Variants in IGSF3 observed in about 807,000 individuals in gnomAD.
The protein encoded by IGSF3 is immunoglobulin superfamily member 3.
A neutral mutation model predicts 114.4 loss-of-function variants in IGSF3; 23 were observed. The observed-to-expected ratio is 0.20, with a 90% confidence interval of 0.14 to 0.28. IGSF3 has a LOEUF of 0.28. Among genes scored for constraint, IGSF3 ranks in the 10% least tolerant of loss-of-function variants. The pLI is 1.00. For synonymous variants in IGSF3, 571 were observed against 645.2 expected (o/e 0.88, Z 1.74); for missense variants, 1,172 against 1,591.5 (o/e 0.74, Z 4.48).
intron 5 of IGSF3, 63 bp from the exon 6 acceptor site, chr1:116,604,088 G>A: frequency 7.4e-7 from 1 of 1,343,510 alleles, no homozygotes; most frequent in South Asian, 1.4e-5. Context: ...CCTCCCCACA[G>A]AGGAAACAGG....
At position 116,666,518 on chromosome 1, in the gene IGSF3, G is replaced by C; in HGVS notation, c.-192C>G. On this transcript the variant is annotated 5_prime_UTR_variant, in exon 2 of 11. Coordinates refer to ENST00000369486, the MANE Select transcript of IGSF3 (RefSeq NM_001007237.3). ...GGGGGAAGGGGAGGAGTGGAGGCAA[G>C]TGTGAAAACTCCCCTATGCTACAGG... is the stretch of plus-strand genomic sequence containing the variant. 3.2e-6 allele frequency: 2 copies of C among 627,340 alleles called. No homozygotes were observed. The highest frequency in any genetic ancestry group is 2.8e-6 in the Non-Finnish European group (1 of 353,146). The allele number at this position is 627,340 out of a possible 1,614,324, so 38.9% of individuals were successfully genotyped here. A position where few individuals can be genotyped will look rare whatever the true frequency, so the allele number is the denominator to read the frequency against.
At position 116,612,108 on chromosome 1, in the gene IGSF3, G is replaced by C. The variant is rs1441733305; in HGVS notation, c.832+1657C>G. On this transcript the variant is annotated intron_variant, in intron 4 of 10. Transcript: ENST00000369486. This position sits in a 1 kb window ranked among gnomAD's most constrained non-coding sequence, Gnocchi z 4.1. ...TTCAAAAAGTTCTAATTCCAAATTG[G>C]TAAGATTAAAATAAAGAAGATTAAC... Among the ~76,000 whole-genome samples the C allele has an allele frequency of 3.3e-5, 5 of 151,990 alleles. No homozygotes were observed. Among genetic ancestry groups the C allele is most frequent in the Admixed American group, 6.5e-5 (1 of 15,270 alleles).
intron 5 of IGSF3, among the ~76,000 whole-genome samples, chr1:116,604,878 C>G (rs917917843): frequency 6.6e-6 from 1 of 152,190 alleles, no homozygotes; most frequent in Admixed American, 6.5e-5. Context: ...TTCTGTAAGA[C>G]AGGTAGAGAG....
In IGSF3 at chr1:116,603,901, C is replaced by T. The variant is rs1660694924; in HGVS notation, c.1347G>A (p.Gln449=). The T allele has an allele frequency of 1.2e-6, 2 of 1,614,150 alleles. No homozygotes were observed. The highest frequency in any genetic ancestry group is 2.2e-5 in the East Asian group (1 of 44,888). ...TGCGGCGGTTCTGCCTGTCCACAAG[C>T]TGCCAGATGACAGAGAAGCGACCCT... The part of the protein sequence containing the change: ...RPQGRFSVIW[Q]LVDRQNRRSN... Residue 449 remains glutamine (Q), a synonymous_variant, in exon 6 of 11, where the codon CAG becomes CAA. Transcript: ENST00000369486. The surrounding 1 kb of genome is among the most constrained non-coding windows in gnomAD (Gnocchi z 7.1).
At position 116,634,707 on chromosome 1, in the gene IGSF3, C is replaced by A. The variant is rs1186605843; in HGVS notation, c.44-18250G>T. 6.6e-6 allele frequency among the ~76,000 whole-genome samples: 1 copy of A among 152,142 alleles called. No homozygotes were observed. Among genetic ancestry groups the A allele is most frequent in the Non-Finnish European group, 1.5e-5 (1 of 68,030 alleles). ...CCCATGGCTTTGACACTCCTTCCAT[C>A]GAGAGGGCAGAACCTGTGTTTCCTC... On this transcript the variant is annotated intron_variant, in intron 2 of 10. Transcript: ENST00000369486. The surrounding 1 kb of genome is among the most constrained non-coding windows in gnomAD (Gnocchi z 4.2).
Position 116,588,079 on chromosome 1 carries a change from T to G in IGSF3, c.2440+615A>C, listed in dbSNP as rs1333607951. Among the ~76,000 whole-genome samples, 2 of 152,196 alleles carry G rather than the reference T, an allele frequency of 1.3e-5. No homozygotes were observed. Among genetic ancestry groups the G allele is most frequent in the Non-Finnish European group, 2.9e-5 (2 of 68,026 alleles). Reference sequence around the variant, plus strand: ...AAGTGAACTTTTTAACAATCAGAGCTGCCCAAAAATGGAACTGAGGCTTGC... The same window carrying G: ...AAGTGAACTTTTTAACAATCAGAGCGGCCCAAAAATGGAACTGAGGCTTGC... On this transcript the variant is annotated intron_variant, in intron 8 of 10. Coordinates refer to ENST00000369486, the MANE Select transcript of IGSF3 (RefSeq NM_001007237.3). The surrounding 1 kb of genome is among the most constrained non-coding windows in gnomAD (Gnocchi z 4.9).
At chr1:116,604,648 A>G (rs1660724307) in intron 5 of IGSF3, among the ~76,000 whole-genome samples, 1 of 152,174 alleles carries the variant, frequency 6.6e-6, no homozygotes, top group Non-Finnish European at 1.5e-5. Flanking sequence ...TCATTAACAC[A>G]CAGGAACAAA....
Position 116,648,490 on chromosome 1 carries a change from T to C in IGSF3, c.43+17794A>G, listed in dbSNP as rs1055868756. Among the ~76,000 whole-genome samples the C allele has an allele frequency of 5.9e-5, 9 of 152,188 alleles. No homozygotes were observed. The highest frequency in any genetic ancestry group is 8.8e-5 in the Non-Finnish European group (6 of 68,026). The stretch of plus-strand genomic sequence containing the variant: ...ACCCGCCATCTGCACTTTTACCTGC[T>C]GCCTGACGAAAACCAGATGCCAAAG... On this transcript the variant is annotated intron_variant, in intron 2 of 10. Transcript: ENST00000369486. The surrounding 1 kb of genome is among the most constrained non-coding windows in gnomAD (Gnocchi z 4.7).
intron 2 of IGSF3, among the ~76,000 whole-genome samples, chr1:116,635,146 A>G (rs1337438734): frequency 2.0e-5 from 3 of 152,216 alleles, no homozygotes; most frequent in African/African-American, 7.2e-5. Context: ...GGATAACTGC[A>G]ACACCTGCTT....
At position 116,666,518 on chromosome 1, in the gene IGSF3, G is replaced by A; in HGVS notation, c.-192C>T. The A allele has an allele frequency of 1.6e-6, 1 of 627,340 alleles. No individual in the cohort carries two copies. 38.9% of individuals were successfully genotyped at this position (627,340 alleles called of 1,614,324 possible). ...GGGGGAAGGGGAGGAGTGGAGGCAA[G>A]TGTGAAAACTCCCCTATGCTACAGG... is the stretch of plus-strand genomic sequence containing the variant. On this transcript the variant is annotated 5_prime_UTR_variant, in exon 2 of 11. Transcript: ENST00000369486.
chr1:116,612,040 T>A lies in IGSF3; in HGVS notation c.832+1725A>T, dbSNP rs764175270. Among the ~76,000 whole-genome samples the A allele has an allele frequency of 3.3e-5, 5 of 152,122 alleles. No individual in the cohort carries two copies. Among genetic ancestry groups the A allele is most frequent in the Non-Finnish European group, 5.9e-5 (4 of 68,010 alleles). On this transcript the variant is annotated intron_variant, in intron 4 of 10. Transcript: ENST00000369486. This position sits in a 1 kb window ranked among gnomAD's most constrained non-coding sequence, Gnocchi z 4.1. Reference sequence around the variant, plus strand: ...AGTCATCAACTTTTTTTTCACTTAGTTTTCCTTTTGCTGGCTTAGTCTAGA... The same window carrying A: ...AGTCATCAACTTTTTTTTCACTTAGATTTCCTTTTGCTGGCTTAGTCTAGA...
At chr1:116,663,665 A>T (rs1459390739) in intron 2 of IGSF3, among the ~76,000 whole-genome samples, 1 of 152,158 alleles carries the variant, frequency 6.6e-6, no homozygotes, top group African/African-American at 2.4e-5. Flanking sequence ...ATCTGATTCC[A>T]ATCCCAGACA....
At position 116,614,042 on chromosome 1, in the gene IGSF3, C is replaced by T; in HGVS notation, c.555G>A (p.Arg185=). ...CCACGGGCTTCTCGCCAACTTTCTG[C>T]CGGAGCCAGGCCACAGACAGGTGGC... The part of the protein sequence containing the change: ...QHSHLSVAWL[R]QKVGEKPVEV... Residue 185 remains arginine (R), a synonymous_variant, in exon 4 of 11, where the codon CGG becomes CGA. Transcript: ENST00000369486. This position sits in a 1 kb window ranked among gnomAD's most constrained non-coding sequence, Gnocchi z 4.5. 1 of 1,614,158 alleles carries T rather than the reference C, an allele frequency of 6.2e-7. No individual in the cohort carries two copies. Among genetic ancestry groups the T allele is most frequent in the Non-Finnish European group, 8.5e-7 (1 of 1,180,032 alleles).
chr1:116,615,266 C>T lies in IGSF3; in HGVS notation c.421+814G>A, dbSNP rs1661173634. 6.6e-6 allele frequency among the ~76,000 whole-genome samples: 1 copy of T among 151,074 alleles called. No individual in the cohort carries two copies. Among genetic ancestry groups the T allele is most frequent in the Non-Finnish European group, 1.5e-5 (1 of 67,892 alleles). ...TCCAGCCTGGGCAACAAGAGCGAAG[C>T]TCCATCACACATACACACATACACA... is the stretch of plus-strand genomic sequence containing the variant. On this transcript the variant is annotated intron_variant, in intron 3 of 10. Coordinates refer to ENST00000369486, the MANE Select transcript of IGSF3 (RefSeq NM_001007237.3). This position sits in a 1 kb window ranked among gnomAD's most constrained non-coding sequence, Gnocchi z 4.3.
intron 6 of IGSF3, among the ~76,000 whole-genome samples, chr1:116,602,062 T>C (rs1660614838): frequency 6.6e-6 from 1 of 152,258 alleles, no homozygotes; most frequent in Non-Finnish European, 1.5e-5. Flanking sequence ...TTGTTAACTT[T>C]AGACTGAAAA....
chr1:116,622,985 T>C (rs1404096229), intron 2 of IGSF3, among the ~76,000 whole-genome samples: 1 of 152,230 alleles, frequency 6.6e-6, no homozygotes. Flanking sequence ...CACAGCATGC[T>C]GAATTGGTGG....
rs3965247 is a variant in IGSF3 at position 116,616,403 on chromosome 1, G to A, written c.98C>T (p.Thr33Met). Reference sequence around the variant, plus strand: ...CCAGATAGTGATGTGGGAGCCCTCCGTGCGGTACAAGGGTCCTTCCTGAAC... The same window carrying A: ...CCAGATAGTGATGTGGGAGCCCTCCATGCGGTACAAGGGTCCTTCCTGAAC... Reference protein sequence around the residue: ...VTVQEGPLYRTEGSHITIWCN... With the variant: ...VTVQEGPLYRMEGSHITIWCN... Residue 33 changes from threonine (T) to methionine (M), a missense_variant, in exon 3 of 11, where the codon ACG (threonine) becomes ATG (methionine). Thr to Met is a moderately conservative substitution (Grantham distance 81). Coordinates refer to ENST00000369486, the MANE Select transcript of IGSF3 (RefSeq NM_001007237.3). This position sits in a 1 kb window ranked among gnomAD's most constrained non-coding sequence, Gnocchi z 6.6. 1,037 of 1,609,750 alleles carry A rather than the reference G, an allele frequency of 6.4e-4. 1 individual carries two copies. Among genetic ancestry groups the A allele is most frequent in the Non-Finnish European group, 7.8e-4 (920 of 1,177,850 alleles).
chr1:116,622,698 C>T (rs1331834849), intron 2 of IGSF3, among the ~76,000 whole-genome samples: 1 of 152,202 alleles, frequency 6.6e-6, no homozygotes, highest in Non-Finnish European at 1.5e-5. Flanking sequence ...TCTCTGCATA[C>T]ATCATCTCAT....
chr1:116,582,756 CAG>C lies in IGSF3; in HGVS notation c.2848+1887_2848+1888del, dbSNP rs376477422. ...GTAAGATCCTGAGTTTGTTTACAGA[CAG>C]AGGAAATATGAAGACATGAGGCAAA... On this transcript the variant is annotated intron_variant, in intron 9 of 10. Transcript: ENST00000369486. This position sits in a 1 kb window ranked among gnomAD's most constrained non-coding sequence, Gnocchi z 4.7. Among the ~76,000 whole-genome samples, 159 of 152,224 alleles carry C rather than the reference CAG, an allele frequency of 1.0e-3. No individual in the cohort carries two copies. The highest frequency in any genetic ancestry group is 3.6e-3 in the African/African-American group (151 of 41,514).
Sources: allele counts gnomAD v4.1 joint callset (sites outside exome capture counted in the v4.1 genomes callset), GRCh38; gene constraint gnomAD v4.1.1; non-coding constraint Gnocchi (gnomAD v3.1); transcripts MANE v1.5; gene names NCBI Gene and HGNC (gene_info 2026-07-23, HGNC 2026-07-21).